The following ARL6IP6 variants were observed in gnomAD, a reference collection of about 807,000 sequenced individuals.
ARL6IP6 encodes the protein ARF like GTPase 6 interacting protein 6.
Under a neutral mutation model 21.5 loss-of-function variants are expected in ARL6IP6, and 22 were observed. That is an observed-to-expected ratio of 1.02 (90% CI 0.73 to 1.46). ARL6IP6 has a LOEUF of 1.46. Among genes scored for constraint, ARL6IP6 ranks in the 40% most tolerant of loss-of-function variants. The pLI, the probability that ARL6IP6 is intolerant of heterozygous loss-of-function variation, is 0.00. For synonymous variants in ARL6IP6, 164 were observed against 125.3 expected (o/e 1.31, Z -2.06); for missense variants, 388 against 299.8 (o/e 1.29, Z -2.17).
intron 2 of ARL6IP6, among the ~76,000 whole-genome samples, chr2:152,721,789 G>T (rs1699802554): frequency 6.6e-6 from 1 of 152,184 alleles, no homozygotes; most frequent in African/African-American, 2.4e-5. Flanking sequence ...CCTTATTTCA[G>T]CAGAAGGGGA....
chr2:152,750,627 CT>C (rs1701284388), intron 3 of ARL6IP6, among the ~76,000 whole-genome samples: 1 of 84,518 alleles, frequency 1.2e-5, no homozygotes, highest in Admixed American at 1.4e-4. Context: ...ACTTCTGGTT[CT>C]TTTCTTTCCC....
chr2:152,759,933 A>T lies in ARL6IP6; in HGVS notation c.*93A>T. On this transcript the variant is annotated 3_prime_UTR_variant, in exon 4 of 4. Transcript: ENST00000326446. ...TCACTGTCTACTCAGAAGACTGAGA[A>T]ACCTGCTGTTCATTATGTAGTTCAG... 1 of 1,018,534 alleles carries T rather than the reference A, an allele frequency of 9.8e-7. No homozygotes were observed. The highest frequency in any genetic ancestry group is 1.5e-6 in the Non-Finnish European group (1 of 652,048). The allele number at this position is 1,018,534 out of a possible 1,614,324, so 63.1% of individuals were successfully genotyped here.
intron 2 of ARL6IP6, among the ~76,000 whole-genome samples, chr2:152,727,771 G>T (rs1208899539): frequency 6.6e-6 from 1 of 152,166 alleles, no homozygotes; most frequent in African/African-American, 2.4e-5. Context: ...TAGCTCATAG[G>T]TGTGTAGTAG....
Position 152,759,825 on chromosome 2 carries a change from A to G in ARL6IP6, c.666A>G (p.Ala222=), listed in dbSNP as rs745953973. The G allele has an allele frequency of 6.2e-7, 1 of 1,612,950 alleles. No homozygotes were observed. The highest frequency in any genetic ancestry group is 1.7e-5 in the Admixed American group (1 of 60,000). ...GCATCGTAGCTGCTCTTACTGTAGC[A>G]TGGTGCCTCATGTAAACCCACACTG... is the stretch of plus-strand genomic sequence containing the variant. ...LNGIVAALTV[A]WCLM is the part of the protein sequence containing the mutation. The change falls in exon 4 of 4, where the codon GCA becomes GCG. Residue 222 remains alanine (A), a synonymous_variant. Coordinates refer to ENST00000326446, the MANE Select transcript of ARL6IP6 (RefSeq NM_152522.7).
intron 2 of ARL6IP6, among the ~76,000 whole-genome samples, chr2:152,726,301 T>C (rs1559225114): frequency 6.6e-6 from 1 of 152,200 alleles, no homozygotes; most frequent in Non-Finnish European, 1.5e-5. Flanking sequence ...ACAGTCTGGG[T>C]TGCAGGTGGT....
chr2:152,757,743 A>G (rs1014783352), intron 3 of ARL6IP6, among the ~76,000 whole-genome samples: 9 of 152,220 alleles, frequency 5.9e-5, no homozygotes, highest in African/African-American at 2.2e-4. Flanking sequence ...GACAATTGCT[A>G]CAGTGTTCCC....
Position 152,718,865 on chromosome 2 carries a change from C to T in ARL6IP6, c.241C>T (p.Pro81Ser). 1.9e-6 allele frequency: 3 copies of T among 1,613,552 alleles called. No homozygotes were observed. Among genetic ancestry groups the T allele is most frequent in the Non-Finnish European group, 2.5e-6 (3 of 1,179,728 alleles). Residue 81 changes from proline to serine, a missense_variant, in exon 1 of 4, where the codon CCC (proline) becomes TCC (serine). Pro to Ser is a moderately conservative substitution (Grantham distance 74). Transcript: ENST00000326446. ...SVLPPDGNGS[P>S]VLPDKRNGIF... ...GCTCCCGCCGGACGGGAACGGGTCG[C>T]CCGTTCTGCCCGATAAGCGCAATGG...
At chr2:152,721,749 C>T (rs1699799953) in intron 2 of ARL6IP6, among the ~76,000 whole-genome samples, 1 of 152,220 alleles carries the variant, frequency 6.6e-6, no homozygotes, top group East Asian at 1.9e-4. Context: ...TATGGCTAAT[C>T]ACCCTTATGG....
intron 2 of ARL6IP6, among the ~76,000 whole-genome samples, chr2:152,731,943 T>G (rs974735668): frequency 6.6e-6 from 1 of 152,120 alleles, no homozygotes; most frequent in African/African-American, 2.4e-5. Flanking sequence ...TTCAGGATCT[T>G]TCCATATCAG....
chr2:152,752,553 G>C lies in ARL6IP6; in HGVS notation c.588-7194G>C, dbSNP rs763767274. ...CAGGGATTTATTAAAGTGAGAAAGT[G>C]CTCCGCAGGGTGGAATTGGGCCCGA... is the stretch of plus-strand genomic sequence containing the variant. On this transcript the variant is annotated intron_variant, in intron 3 of 3. Transcript: ENST00000326446. Among the ~76,000 whole-genome samples, 10 of 152,230 alleles carry C rather than the reference G, an allele frequency of 6.6e-5. 1 individual carries two copies. The highest frequency in any genetic ancestry group is 1.5e-4 in the Non-Finnish European group (10 of 68,036).
upstream of ARL6IP6, chr2:152,718,517 C>A: frequency 6.9e-7 from 1 of 1,450,758 alleles, no homozygotes; most frequent in Non-Finnish European, 9.1e-7. Flanking sequence ...TACCCCTGGG[C>A]TCTGAGGCCT....
At chr2:152,735,748 C>G (rs1186661446) in intron 3 of ARL6IP6, among the ~76,000 whole-genome samples, 1 of 152,016 alleles carries the variant, frequency 6.6e-6, no homozygotes, top group Non-Finnish European at 1.5e-5. Flanking sequence ...CATCTAAGAT[C>G]TCTAGTTTAT....
intron 2 of ARL6IP6, among the ~76,000 whole-genome samples, chr2:152,726,698 G>T (rs1393017302): frequency 2.0e-5 from 3 of 152,154 alleles, no homozygotes; most frequent in African/African-American, 4.8e-5. Flanking sequence ...GCTAAGTACA[G>T]CCATACACCA....
At chr2:152,727,023 C>G (rs1236621587) in intron 2 of ARL6IP6, among the ~76,000 whole-genome samples, 2 of 152,110 alleles carry the variant, frequency 1.3e-5, no homozygotes, top group Non-Finnish European at 2.9e-5. Context: ...TATATTACTT[C>G]TGCTTAAAAA....
chr2:152,758,654 A>G (rs546921234), intron 3 of ARL6IP6, among the ~76,000 whole-genome samples: 1 of 152,268 alleles, frequency 6.6e-6, no homozygotes, highest in East Asian at 1.9e-4. Flanking sequence ...GGAACAGAGC[A>G]GGGAACCATC....
chr2:152,755,356 G>A (rs570391926), intron 3 of ARL6IP6, among the ~76,000 whole-genome samples: 81 of 152,206 alleles, frequency 5.3e-4, no homozygotes, highest in African/African-American at 1.9e-3. Flanking sequence ...CACCTCTTGT[G>A]GAGGGCCTGA....
chr2:152,756,345 T>G (rs1455694542), intron 3 of ARL6IP6, among the ~76,000 whole-genome samples: 3 of 152,086 alleles, frequency 2.0e-5, no homozygotes, highest in Non-Finnish European at 4.4e-5. Context: ...AATTACAGAT[T>G]TAAATATCAA....
chr2:152,733,959 G>T (rs538550867), intron 2 of ARL6IP6, among the ~76,000 whole-genome samples: 15 of 152,206 alleles, frequency 9.9e-5, no homozygotes, highest in African/African-American at 3.1e-4. Flanking sequence ...GAATAAGTGA[G>T]TTAATTTATA....
intron 3 of ARL6IP6, among the ~76,000 whole-genome samples, chr2:152,736,983 T>C (rs925274075): frequency 2.0e-5 from 3 of 152,200 alleles, no homozygotes; most frequent in African/African-American, 4.8e-5. Flanking sequence ...ACTGAACTGC[T>C]GTCTTTCCAT....
Sources: gnomAD v4.1 joint callset for allele counts (sites outside exome capture counted in the v4.1 genomes callset) on GRCh38, gnomAD v4.1.1 for gene constraint, MANE v1.5 for transcripts, NCBI Gene and HGNC (gene_info 2026-07-23, HGNC 2026-07-21) for gene names.